Variants in ARID3A observed in about 807,000 individuals in gnomAD.
ARID3A encodes AT-rich interaction domain 3A.
A neutral mutation model predicts 52.7 loss-of-function variants in ARID3A; 11 were observed. The observed-to-expected ratio is 0.21, with a 90% CI of 0.13 to 0.35. The LOEUF (loss-of-function observed/expected upper bound fraction) is 0.35. Ranked by LOEUF, ARID3A falls within the 10% of genes least tolerant of loss-of-function variation. The pLI is 1.00. For synonymous variants in ARID3A, 404 were observed against 359.4 expected (o/e 1.12, Z -1.40); for missense variants, 721 against 838.5 (o/e 0.86, Z 1.73).
intron 3 of ARID3A, among the ~76,000 whole-genome samples, chr19:956,895 G>A (rs974376108): frequency 6.6e-6 from 1 of 152,220 alleles, no homozygotes; most frequent in Non-Finnish European, 1.5e-5. Flanking sequence ...GGGGCTGGGC[G>A]TGGGTCTCCT....
Position 929,675 on chromosome 19 carries a change from C to A in ARID3A, c.147C>A (p.Pro49=), listed in dbSNP as rs558683351. 6.4e-7 allele frequency: 1 copy of A among 1,555,190 alleles called. No individual in the cohort carries two copies. The highest frequency in any genetic ancestry group is 8.6e-7 in the Non-Finnish European group (1 of 1,158,698). ...CTGCCCCCGACGAGGACAGAGAGCC[C>A]GAGAGTGCCCGGATGCAGCGGGCTC... ...ARAAPDEDRE[P]ESARMQRAQM... Residue 49 remains proline (P), a synonymous_variant, in exon 2 of 9, where the codon CCC becomes CCA. Transcript: ENST00000263620. The surrounding 1 kb of genome is among the most constrained non-coding windows in gnomAD (Gnocchi z 6.2).
In ARID3A at chr19:966,592, A is replaced by G. The variant is rs1297155248; in HGVS notation, c.1219A>G (p.Ile407Val). The G allele has an allele frequency of 1.3e-6, 2 of 1,567,922 alleles. No homozygotes were observed. The highest frequency in any genetic ancestry group is 2.3e-5 in the South Asian group (2 of 86,370). The change falls in exon 7 of 9, where the codon ATC becomes GTC. Residue 407 changes from isoleucine to valine, a missense_variant. Ile to Val is a conservative substitution (Grantham distance 29, BLOSUM62 3). Coordinates refer to ENST00000263620, the MANE Select transcript of ARID3A (RefSeq NM_005224.3). ...CCTAGAGGAGGACTCAGCCATCCCCATCACAGTCCCTGGCCGCCTGCCTGT... is the reference window on the plus strand; with the variant it reads ...CCTAGAGGAGGACTCAGCCATCCCCGTCACAGTCCCTGGCCGCCTGCCTGT... Reference protein sequence around the residue: ...IKKEEDSAIPITVPGRLPVSL... With the variant: ...IKKEEDSAIPVTVPGRLPVSL...
intron 2 of ARID3A, among the ~76,000 whole-genome samples, chr19:932,002 T>G (rs1438310404): frequency 7.0e-6 from 1 of 142,452 alleles, no homozygotes; most frequent in African/African-American, 2.7e-5. Flanking sequence ...AATGATTCCC[T>G]TTTTTTTTTT....
In ARID3A at chr19:932,561, C is replaced by A; in HGVS notation, c.512C>A (p.Ala171Glu). 1 of 1,507,498 alleles carries A rather than the reference C, an allele frequency of 6.6e-7. No individual in the cohort carries two copies. 93.4% of individuals were successfully genotyped at this position (1,507,498 alleles called of 1,614,324 possible). A position where few individuals can be genotyped will look rare whatever the true frequency, so the allele number is the denominator to read the frequency against. Residue 171 changes from alanine (A) to glutamate (E), a missense_variant, in exon 3 of 9, where the codon GCA becomes GAA. Ala to Glu is a moderately radical substitution (Grantham distance 107). Transcript: ENST00000263620. ...PPGPASLGTT[A>E]LFPRKAQPPQ... ...GGCCCTGCCAGCTTGGGCACCACGG[C>A]ACTGTTCCCCCGAAAGGCCCAGCCA...
Position 944,416 on chromosome 19 carries a change from G to A in ARID3A, c.693+11674G>A, listed in dbSNP as rs933496618. Among the ~76,000 whole-genome samples, 14 of 152,194 alleles carry A rather than the reference G, an allele frequency of 9.2e-5. No individual in the cohort carries two copies. Among genetic ancestry groups the A allele is most frequent in the East Asian group, 1.9e-4 (1 of 5,182 alleles). On this transcript the variant is annotated intron_variant, in intron 3 of 8. Transcript: ENST00000263620. The surrounding 1 kb of genome is among the most constrained non-coding windows in gnomAD (Gnocchi z 5.9). Reference sequence around the variant, plus strand: ...TCTGGGTAGGAGTGTCGGTGGGGGCGGTCCCACACGGCCATGGTTTGTGTC... The same window carrying A: ...TCTGGGTAGGAGTGTCGGTGGGGGCAGTCCCACACGGCCATGGTTTGTGTC...
Position 971,868 on chromosome 19 carries a change from C to A in ARID3A, c.1595-10C>A. On this transcript the variant is annotated splice_polypyrimidine_tract_variant and intron_variant, in intron 8 of 8. Transcript: ENST00000263620. ...CTCTGCATGGCATATGTCTTCTGTTCTTGCCTTAGGAGTTCTGTTTGCTCA... is the reference window on the plus strand; with the variant it reads ...CTCTGCATGGCATATGTCTTCTGTTATTGCCTTAGGAGTTCTGTTTGCTCA... 1 of 1,595,552 alleles carries A rather than the reference C, an allele frequency of 6.3e-7. No individual in the cohort carries two copies. Among genetic ancestry groups the A allele is most frequent in the Non-Finnish European group, 8.5e-7 (1 of 1,171,758 alleles).
At chr19:940,009 C>T (rs1030739622) in intron 3 of ARID3A, among the ~76,000 whole-genome samples, 4 of 151,954 alleles carry the variant, frequency 2.6e-5, no homozygotes, top group Non-Finnish European at 5.9e-5. Context: ...GGCTTAGGGG[C>T]GCTGCTGGGC....
intron 3 of ARID3A, among the ~76,000 whole-genome samples, chr19:946,362 A>C (rs1286707537): frequency 1.5e-4 from 20 of 134,890 alleles, no homozygotes; most frequent in South Asian, 4.8e-4. Context: ...CCCGGGTTCA[A>C]GCGATTCTCC....
In ARID3A at chr19:972,152, G is replaced by T; in HGVS notation, c.*87G>T. 2.4e-6 allele frequency: 3 copies of T among 1,274,054 alleles called. No individual in the cohort carries two copies. The highest frequency in any genetic ancestry group is 3.1e-6 in the Non-Finnish European group (3 of 953,398). The allele number at this position is 1,274,054 out of a possible 1,614,324, so 78.9% of individuals were successfully genotyped here. A position where few individuals can be genotyped will look rare whatever the true frequency, so the allele number is the denominator to read the frequency against. On this transcript the variant is annotated 3_prime_UTR_variant, in exon 9 of 9. Coordinates refer to ENST00000263620, the MANE Select transcript of ARID3A (RefSeq NM_005224.3). ...TGGGCCACACAGGGGCCAGGATGGC[G>T]GAAGATACGGGTGGGGAGGGAAGAT...
At chr19:954,797 C>G (rs1003042447) in intron 3 of ARID3A, among the ~76,000 whole-genome samples, 1 of 151,776 alleles carries the variant, frequency 6.6e-6, no homozygotes, top group African/African-American at 2.4e-5. Flanking sequence ...GGAGGAACAG[C>G]CGGGGCGAAG....
Position 932,598 on chromosome 19 carries a change from C to T in ARID3A, c.549C>T (p.Phe183=). ...GAAAGGCCCAGCCACCCCAGGCCTT[C>T]CGCGGCGATGGCGTTCCCAGGGTGC... is the stretch of plus-strand genomic sequence containing the variant. The part of the protein sequence containing the change: ...FPRKAQPPQA[F]RGDGVPRVLG... Residue 183 remains phenylalanine (F), a synonymous_variant, in exon 3 of 9, where the codon TTC becomes TTT. Transcript: ENST00000263620. 1 of 1,516,966 alleles carries T rather than the reference C, an allele frequency of 6.6e-7. No homozygotes were observed. Among genetic ancestry groups the T allele is most frequent in the East Asian group, 2.5e-5 (1 of 39,984 alleles). The allele number at this position is 1,516,966 out of a possible 1,614,324, so 94.0% of individuals were successfully genotyped here.
chr19:954,709 C>T (rs528216190), intron 3 of ARID3A, among the ~76,000 whole-genome samples: 52 of 151,780 alleles, frequency 3.4e-4, no homozygotes, highest in African/African-American at 1.2e-3. Flanking sequence ...CCTGGGAGGA[C>T]GGGGGGCTCC....
rs779704118 is a variant in ARID3A at position 947,216 on chromosome 19, GTC to G, written c.694-12874_694-12873del. ...GCCGTCAGCCCAGATCTGTGTCTGT[GTC>G]TGCATCTGTGAAACGGGTTTCCTGG... On this transcript the variant is annotated intron_variant, in intron 3 of 8. Coordinates refer to ENST00000263620, the MANE Select transcript of ARID3A (RefSeq NM_005224.3). This position sits in a 1 kb window ranked among gnomAD's most constrained non-coding sequence, Gnocchi z 6.3. 9.2e-5 allele frequency among the ~76,000 whole-genome samples: 14 copies of G among 152,318 alleles called. No homozygotes were observed. Among genetic ancestry groups the G allele is most frequent in the Non-Finnish European group, 1.6e-4 (11 of 68,014 alleles).
chr19:943,078 C>G (rs1022214110), intron 3 of ARID3A, among the ~76,000 whole-genome samples: 11 of 151,774 alleles, frequency 7.2e-5, no homozygotes, highest in African/African-American at 2.4e-4. Flanking sequence ...AGACCAGCCT[C>G]AGCAACAGAG....
Position 932,688 on chromosome 19 carries a change from G to A in ARID3A, c.639G>A (p.Pro213=), listed in dbSNP as rs996265837. The A allele has an allele frequency of 1.3e-5, 20 of 1,546,762 alleles. No individual in the cohort carries two copies. The highest frequency in any genetic ancestry group is 1.5e-5 in the Non-Finnish European group (17 of 1,146,354). Residue 213 remains proline (P), a synonymous_variant, in exon 3 of 9, where the codon CCG becomes CCA. Transcript: ENST00000263620. ...CCGGAGGGGCCGCCCACGTAGCCCC[G>A]CAGCTGCAGCCGCCTGACCACGGCG... The part of the protein sequence containing the change: ...AHPGGAAHVA[P]QLQPPDHGDW...
chr19:942,373 G>A lies in ARID3A; in HGVS notation c.693+9631G>A, dbSNP rs73507581. On this transcript the variant is annotated intron_variant, in intron 3 of 8. Transcript: ENST00000263620. This position sits in a 1 kb window ranked among gnomAD's most constrained non-coding sequence, Gnocchi z 8.1. ...CCCAGGGGCGTCACCCACGAGGGAC[G>A]CTTGACTCAAGGTCCTCTCCACTGG... is the stretch of plus-strand genomic sequence containing the variant. Among the ~76,000 whole-genome samples, 3,793 of 152,278 alleles carry A rather than the reference G, an allele frequency of 0.025. 139 individuals carry two copies. The highest frequency in any genetic ancestry group is 0.084 in the African/African-American group (3,507 of 41,558).
Position 929,363 on chromosome 19 carries a change from G to GGGCC in ARID3A, c.-166_-165insGGCC. 13 of 259,258 alleles carry GGGCC rather than the reference G, an allele frequency of 5.0e-5. No individual in the cohort carries two copies. The highest frequency in any genetic ancestry group is 8.6e-5 in the Non-Finnish European group (13 of 151,226). The allele number at this position is 259,258 out of a possible 1,614,324, so 16.1% of individuals were successfully genotyped here. A position where few individuals can be genotyped will look rare whatever the true frequency, so the allele number is the denominator to read the frequency against. On this transcript the variant is annotated 5_prime_UTR_variant, in exon 2 of 9. Transcript: ENST00000263620. This position sits in a 1 kb window ranked among gnomAD's most constrained non-coding sequence, Gnocchi z 6.2. ...ATCAGCCTTCAGCTTGAGCCCGGCG[G>GGGCC]CCCCCGCCCCCGCCCCCTGCCACCC...
At position 938,667 on chromosome 19, in the gene ARID3A, C is replaced by T. The variant is rs142907449; in HGVS notation, c.693+5925C>T. Among the ~76,000 whole-genome samples the T allele has an allele frequency of 8.4e-4, 128 of 152,290 alleles. No homozygotes were observed. The highest frequency in any genetic ancestry group is 3.0e-3 in the African/African-American group (124 of 41,566). On this transcript the variant is annotated intron_variant, in intron 3 of 8. Coordinates refer to ENST00000263620, the MANE Select transcript of ARID3A (RefSeq NM_005224.3). This position sits in a 1 kb window ranked among gnomAD's most constrained non-coding sequence, Gnocchi z 4.0. ...AGTGCTGTCCTCATATCCAGGCCTC[C>T]GGGCCTGACAGCTGGGCGTGTGTGG...
intron 3 of ARID3A, among the ~76,000 whole-genome samples, chr19:939,690 C>T (rs953749665): frequency 1.3e-5 from 2 of 152,112 alleles, no homozygotes; most frequent in South Asian, 4.1e-4. Context: ...TTGGGATGTT[C>T]CGAGCCACCT....
Sources: allele counts gnomAD v4.1 joint callset (sites outside exome capture counted in the v4.1 genomes callset), GRCh38; gene constraint gnomAD v4.1.1; non-coding constraint Gnocchi (gnomAD v3.1); transcripts MANE v1.5; gene names NCBI Gene and HGNC (gene_info 2026-07-23, HGNC 2026-07-21).